Variants in SAMMSON observed in about 807,000 individuals in gnomAD.
The protein encoded by SAMMSON is survival associated mitochondrial melanoma specific oncogenic non-coding RNA, also known as long intergenic non-protein coding RNA 1212.
At chr3:70,214,299 G>T (rs903850106) in intron 4 of SAMMSON, among the ~76,000 whole-genome samples, 1 of 152,156 alleles carries the variant, frequency 6.6e-6, no homozygotes, top group African/African-American at 2.4e-5. Context: ...CGTATAAATC[G>T]TTGTTTTGAT....
chr3:70,229,898 T>C (rs972006145), intron 4 of SAMMSON, among the ~76,000 whole-genome samples: 1 of 152,202 alleles, frequency 6.6e-6, no homozygotes, highest in Non-Finnish European at 1.5e-5. Context: ...ATACAACTTA[T>C]ATGTGAATTA....
intron 4 of SAMMSON, among the ~76,000 whole-genome samples, chr3:70,175,779 A>T (rs1160115863): frequency 6.6e-6 from 1 of 152,102 alleles, no homozygotes; most frequent in Non-Finnish European, 1.5e-5. Flanking sequence ...GGACTATTGC[A>T]TTATAACAAG....
chr3:70,334,759 T>A (rs531622964), intron 7 of SAMMSON, among the ~76,000 whole-genome samples: 1 of 152,236 alleles, frequency 6.6e-6, no homozygotes, highest in East Asian at 1.9e-4. Flanking sequence ...GCTATGTTGC[T>A]AATGAATTAA....
chr3:70,243,912 C>T (rs1271196457), intron 4 of SAMMSON, among the ~76,000 whole-genome samples: 2 of 152,122 alleles, frequency 1.3e-5, no homozygotes, highest in East Asian at 3.8e-4. Context: ...TCTATAGTTT[C>T]CTAGAGTAAG....
chr3:70,319,415 T>A (rs916119559), intron 7 of SAMMSON, among the ~76,000 whole-genome samples: 6 of 152,180 alleles, frequency 3.9e-5, no homozygotes, highest in African/African-American at 1.4e-4. Context: ...TCTGGTTTTA[T>A]AACTATGTAT....
intron 3 of SAMMSON, among the ~76,000 whole-genome samples, chr3:70,026,307 G>A (rs1479031919): frequency 1.3e-5 from 2 of 152,084 alleles, no homozygotes; most frequent in African/African-American, 4.8e-5. Context: ...TTAGCCGATT[G>A]AATATAAGAC....
At chr3:70,109,900 T>C (rs866464039) in intron 4 of SAMMSON, among the ~76,000 whole-genome samples, 7 of 152,378 alleles carry the variant, frequency 4.6e-5, no homozygotes, top group Middle Eastern at 6.8e-3. Flanking sequence ...TTAGCAAATA[T>C]TTATTGTGCA....
At chr3:70,431,966 T>G (rs1575648200) in intron 2 of SAMMSON, among the ~76,000 whole-genome samples, 2 of 152,064 alleles carry the variant, frequency 1.3e-5, no homozygotes, top group African/African-American at 4.8e-5. Context: ...AATGTATTTA[T>G]TAACAAATTG....
At chr3:70,175,598 T>TA (rs921626729) in intron 4 of SAMMSON, among the ~76,000 whole-genome samples, 7 of 151,950 alleles carry the variant, frequency 4.6e-5, no homozygotes, top group African/African-American at 7.2e-5. Context: ...TCTGTGCTTT[T>TA]AAAAAAAATG....
intron 4 of SAMMSON, among the ~76,000 whole-genome samples, chr3:70,195,635 T>A (rs551197934): frequency 2.6e-5 from 4 of 152,296 alleles, no homozygotes; most frequent in South Asian, 2.1e-4. Flanking sequence ...CACAAAAAAA[T>A]TCCCTCAATT....
At chr3:70,023,673 G>C (rs956108055) in intron 3 of SAMMSON, among the ~76,000 whole-genome samples, 1 of 151,946 alleles carries the variant, frequency 6.6e-6, no homozygotes, top group Admixed American at 6.6e-5. Flanking sequence ...AGTAATTATC[G>C]GTGGCTCCCA....
At chr3:70,054,093 A>C (rs1025900797) in intron 3 of SAMMSON, among the ~76,000 whole-genome samples, 2 of 152,166 alleles carry the variant, frequency 1.3e-5, no homozygotes, top group Admixed American at 6.6e-5. Context: ...AGTATGAAGC[A>C]TTCCAGCATA....
In SAMMSON at chr3:70,214,607, CTT is replaced by C. The variant is rs11391954; in HGVS notation, n.508-34487_508-34486del. On this transcript the variant is annotated intron_variant and non_coding_transcript_variant, in intron 4 of 9. Transcript: ENST00000642114. ...TTCAATTTTTGGGGGCTGAAGTGGG[CTT>C]TTTTTTTTTTTTATCTAACTATTCT... is the stretch of plus-strand genomic sequence containing the variant. Among the ~76,000 whole-genome samples the C allele has an allele frequency of 7.2e-4, 101 of 140,292 alleles. 1 individual carries two copies. The highest frequency in any genetic ancestry group is 2.6e-3 in the African/African-American group (99 of 38,324). 92.0% of individuals were successfully genotyped at this position (140,292 alleles called of 152,430 possible).
intron 9 of SAMMSON, among the ~76,000 whole-genome samples, chr3:70,383,394 A>G (rs1316838634): frequency 6.6e-6 from 1 of 151,906 alleles, no homozygotes; most frequent in East Asian, 1.9e-4. Flanking sequence ...TAACAGGTAA[A>G]AGCAAAAAGT....
intron 6 of SAMMSON, among the ~76,000 whole-genome samples, chr3:70,285,507 G>A (rs1194189112): frequency 6.6e-5 from 10 of 151,896 alleles, no homozygotes; most frequent in African/African-American, 2.2e-4. Flanking sequence ...GAATAATGCC[G>A]CAATAAAAAT....
Position 70,237,007 on chromosome 3 carries a change from G to C in SAMMSON, n.508-12100G>C, listed in dbSNP as rs77883446. ...GCAACACAGATGTGTCAATGTCAAG[G>C]CAACATCTCCACTTCATTACTGCAG... On this transcript the variant is annotated intron_variant and non_coding_transcript_variant, in intron 4 of 9. Coordinates refer to ENST00000642114, the Ensembl canonical transcript of SAMMSON. Among the ~76,000 whole-genome samples the C allele has an allele frequency of 9.3e-3, 1,412 of 152,252 alleles. 19 individuals carry two copies. The highest frequency in any genetic ancestry group is 0.032 in the African/African-American group (1,331 of 41,554).
At chr3:70,341,523 G>A (rs768252466) in intron 7 of SAMMSON, among the ~76,000 whole-genome samples, 2 of 152,116 alleles carry the variant, frequency 1.3e-5, no homozygotes, top group African/African-American at 4.8e-5. Context: ...ACCACTGATG[G>A]TTTAAGATTG....
chr3:70,347,415 T>C (rs1330233572), intron 7 of SAMMSON, among the ~76,000 whole-genome samples: 1 of 151,586 alleles, frequency 6.6e-6, no homozygotes, highest in African/African-American at 2.4e-5. Context: ...GTTCAAGCCA[T>C]AGTAATTTTT....
At chr3:70,159,760 T>C (rs2067607098) in intron 4 of SAMMSON, 1 of 152,116 alleles carries the variant, frequency 6.6e-6, no homozygotes, top group Admixed American at 6.6e-5. Context: ...GGTTTCACCA[T>C]GTTGGCCAGG....
Sources: gnomAD v4.1 joint callset for allele counts (sites outside exome capture counted in the v4.1 genomes callset) on GRCh38, gnomAD v4.1.1 for gene constraint, MANE v1.5 for transcripts, NCBI Gene and HGNC (gene_info 2026-07-23, HGNC 2026-07-21) for gene names.